C16orf87: variants seen among roughly 807,000 people sequenced by gnomAD.
C16orf87 encodes the protein UPF0547 protein C16orf87.
C16orf87 carries 13 observed loss-of-function variants against 21.0 expected under a neutral mutation model. The observed-to-expected ratio is 0.62, with a 90% CI of 0.40 to 0.98. C16orf87 has a LOEUF of 0.98. C16orf87 is among the 50% of genes least tolerant of loss of function. The probability of loss-of-function intolerance (pLI) is 0.00; values close to 1 mark genes in which losing one functional copy is unlikely to be tolerated. For synonymous variants in C16orf87, 49 were observed against 60.2 expected, an observed-to-expected ratio of 0.81 and a Z score of 0.86; for missense variants, 113 against 180.4, an observed-to-expected ratio of 0.63 and a Z score of 2.14.
In C16orf87 at chr16:46,809,758, C is replaced by T. The variant is rs1404891252; in HGVS notation, c.191G>A (p.Arg64Gln). 4.4e-6 allele frequency: 7 copies of T among 1,608,978 alleles called. No homozygotes were observed. The highest frequency in any genetic ancestry group is 3.3e-5 in the Admixed American group (2 of 59,920). ...TENKHEAKRRRTERVRREKIN... is the reference protein window; with the variant it reads ...TENKHEAKRRQTERVRREKIN... ...CTTCTCTCTCCTAACTCTCTCTGTT[C>T]GCCTCCTCTTGGCCTCATGCTTGTT... The change falls in exon 3 of 4, where the codon CGA becomes CAA. Residue 64 changes from arginine (R) to glutamine (Q), a missense_variant. By Grantham distance (43) the Arg-to-Gln change is conservative. Coordinates refer to ENST00000285697, the MANE Select transcript of C16orf87 (RefSeq NM_001001436.4).
chr16:46,818,166 G>A (rs1353941013), intron 2 of C16orf87, among the ~76,000 whole-genome samples: 1 of 152,034 alleles, frequency 6.6e-6, no homozygotes, highest in East Asian at 1.9e-4. Context: ...ATGAGTCACC[G>A]CCCCTGGCCA....
At chr16:46,830,900 G>T in intron 1 of C16orf87, 184 bp downstream of exon 1, 1 of 384,320 alleles carries the variant, frequency 2.6e-6, no homozygotes, top group Non-Finnish European at 4.6e-6. Flanking sequence ...GGCGGGCCAC[G>T]GCCCCGGGCT....
intron 2 of C16orf87, among the ~76,000 whole-genome samples, chr16:46,813,738 CCCACGGCTCTTCATA>C (rs1203064497): frequency 2.0e-5 from 3 of 152,170 alleles, no homozygotes; most frequent in Non-Finnish European, 4.4e-5. Context: ...GAGCTCTCTT[CCCACGGCTCTTCATA>C]AGATAAGCCT....
intron 3 of C16orf87, among the ~76,000 whole-genome samples, chr16:46,805,687 A>C (rs993860182): frequency 4.6e-5 from 7 of 152,364 alleles, no homozygotes; most frequent in Admixed American, 4.6e-4. Context: ...GAGTGACCAA[A>C]GAAGCTGATT....
chr16:46,830,268 CAGAGAGAGAGAG>C (rs771471669), intron 1 of C16orf87, among the ~76,000 whole-genome samples: 5 of 59,644 alleles, frequency 8.4e-5, no homozygotes, highest in Non-Finnish European at 1.6e-4. Context: ...GAGAGACAGA[CAGAGAGAGAGAG>C]AGAGAGAGAG....
chr16:46,804,974 CAATAT>C (rs1967884478), intron 3 of C16orf87, among the ~76,000 whole-genome samples: 1 of 152,130 alleles, frequency 6.6e-6, no homozygotes, highest in Non-Finnish European at 1.5e-5. Flanking sequence ...GTATTAGTTC[CAATAT>C]CATTTTGCTT....
In C16orf87 at chr16:46,808,084, T is replaced by C. The variant is rs1352576879; in HGVS notation, c.346+1519A>G. ...TCCTTTTTCTCTGCTGACTTTTCTT[T>C]ACCTAGTTTCCCTTCTAAAATAGGA... is the stretch of plus-strand genomic sequence containing the variant. On this transcript the variant is annotated intron_variant, in intron 3 of 3. Coordinates refer to ENST00000285697, the MANE Select transcript of C16orf87 (RefSeq NM_001001436.4). The C allele has an allele frequency of 6.6e-6, 3 of 456,100 alleles. No individual in the cohort carries two copies. In the Admixed American group the frequency reaches 7.0e-5, roughly 11 times the overall value. The allele number at this position is 456,100 out of a possible 1,614,324, so 28.3% of individuals were successfully genotyped here.
intron 2 of C16orf87, among the ~76,000 whole-genome samples, chr16:46,819,341 C>T (rs1191917437): frequency 6.6e-6 from 1 of 152,080 alleles, no homozygotes. Context: ...TCGCCTTGGC[C>T]TCCCAAAGCA....
At chr16:46,827,500 TTAC>T (rs1391584393) in intron 1 of C16orf87, among the ~76,000 whole-genome samples, 2 of 152,232 alleles carry the variant, frequency 1.3e-5, no homozygotes, top group East Asian at 3.8e-4. Context: ...TACTGATAGT[TTAC>T]TGGGCATTAA....
In C16orf87 at chr16:46,831,165, C is replaced by T; in HGVS notation, c.-16G>A. 3 of 1,555,238 alleles carry T rather than the reference C, an allele frequency of 1.9e-6. No homozygotes were observed. The highest frequency in any genetic ancestry group is 1.2e-5 in the South Asian group (1 of 85,960). ...TTGCAGACATGCTCCTCTCCCTTAG[C>T]GGCGGCAGCAGCGACGGCTCGGGCT... On this transcript the variant is annotated 5_prime_UTR_variant, in exon 1 of 4. Transcript: ENST00000285697.
At chr16:46,823,638 T>C (rs543465543) in intron 2 of C16orf87, among the ~76,000 whole-genome samples, 5 of 152,016 alleles carry the variant, frequency 3.3e-5, no homozygotes, top group African/African-American at 1.2e-4. Flanking sequence ...GGTCACTAGT[T>C]TAAAAAAAAA....
intron 1 of C16orf87, among the ~76,000 whole-genome samples, 185 bp from the exon 2 acceptor site, chr16:46,824,667 CTTT>C (rs71134504): frequency 1.5e-5 from 2 of 137,068 alleles, no homozygotes; most frequent in Admixed American, 7.5e-5. Context: ...TATTCACATT[CTTT>C]TTTTTTTTTT....
chr16:46,817,937 A>AAAAAACAAAAAAAAAC (rs1959258312), intron 2 of C16orf87, among the ~76,000 whole-genome samples: 1 of 150,924 alleles, frequency 6.6e-6, no homozygotes, highest in Admixed American at 6.6e-5. Flanking sequence ...AAAAAAAAAA[A>AAAAAACAAAAAAAAAC]AACCACAAAA....
rs759453983 is a variant in C16orf87 at position 46,809,619 on chromosome 16, T to C, written c.330A>G (p.Lys110=). Residue 110 remains lysine (K), a synonymous_variant, in exon 3 of 4, where the codon AAA becomes AAG. Coordinates refer to ENST00000285697, the MANE Select transcript of C16orf87 (RefSeq NM_001001436.4). ...TGTTCATACCTCTTTCTTCCTCATG[T>C]TTTTTGGCAGATGCACTTTTAGGTC... The part of the protein sequence containing the change: ...RGRPKSASAK[K]HEEEREKQEK... 6.2e-7 allele frequency: 1 copy of C among 1,608,394 alleles called. No individual in the cohort carries two copies. The highest frequency in any genetic ancestry group is 8.5e-7 in the Non-Finnish European group (1 of 1,177,736).
chr16:46,802,942 C>T lies in C16orf87; in HGVS notation c.*10G>A, dbSNP rs753874419. ...CTGACAGAAGTTTCAGCAGATTTTGCAAACAAGTATCAGAGAATAAGTCTT... is the reference window on the plus strand; with the variant it reads ...CTGACAGAAGTTTCAGCAGATTTTGTAAACAAGTATCAGAGAATAAGTCTT... On this transcript the variant is annotated 3_prime_UTR_variant, in exon 4 of 4. Transcript: ENST00000285697. The T allele has an allele frequency of 1.5e-6, 2 of 1,338,328 alleles. No individual in the cohort carries two copies. The highest frequency in any genetic ancestry group is 1.4e-5 in the African/African-American group (1 of 69,030). The allele number at this position is 1,338,328 out of a possible 1,614,324, so 82.9% of individuals were successfully genotyped here. A position where few individuals can be genotyped will look rare whatever the true frequency, so the allele number is the denominator to read the frequency against.
intron 3 of C16orf87, among the ~76,000 whole-genome samples, chr16:46,806,953 A>G (rs1368458933): frequency 1.3e-5 from 2 of 152,260 alleles, no homozygotes; most frequent in African/African-American, 4.8e-5. Flanking sequence ...CTCTAAGAGC[A>G]AGGAATCAAT....
intron 1 of C16orf87, among the ~76,000 whole-genome samples, chr16:46,825,865 G>A (rs1332594741): frequency 6.8e-6 from 1 of 147,950 alleles, no homozygotes; most frequent in Non-Finnish European, 1.5e-5. Flanking sequence ...AGTGAGCCAA[G>A]AGTGCACTAT....
chr16:46,809,579 A>T (rs1968023987), intron 3 of C16orf87, 24 bp downstream of exon 3: 1 of 1,571,454 alleles, frequency 6.4e-7, no homozygotes, highest in Non-Finnish European at 8.7e-7. Flanking sequence ...TACTTGAAAA[A>T]AAAACTGCTT....
chr16:46,831,024 C>T (rs779013744), intron 1 of C16orf87, 60 bp downstream of exon 1: 1 of 1,415,938 alleles, frequency 7.1e-7, no homozygotes, highest in Non-Finnish European at 9.6e-7. Context: ...GGCCCCCCTC[C>T]ACAGACAACG....
Sources: gnomAD v4.1 joint callset for allele counts (sites outside exome capture counted in the v4.1 genomes callset) on GRCh38, gnomAD v4.1.1 for gene constraint, MANE v1.5 for transcripts, NCBI Gene and HGNC (gene_info 2026-07-23, HGNC 2026-07-21) for gene names.